The following CENPW variants were observed in gnomAD, a reference collection of about 807,000 sequenced individuals.
CENPW encodes the protein cancer-up-regulated gene 2 protein.
Under a neutral mutation model 11.1 loss-of-function variants are expected in CENPW, and 3 were observed. The observed-to-expected ratio is 0.27, with a 90% confidence interval of 0.12 to 0.70. The LOEUF (loss-of-function observed/expected upper bound fraction) is 0.70. Ranked by LOEUF, CENPW falls within the 30% of genes least tolerant of loss-of-function variation. CENPW has a pLI of 0.77. For missense variants in CENPW, 100 were observed against 105.6 expected, an observed-to-expected ratio of 0.95 and a Z score of 0.23; for synonymous variants, 38 against 42.0, an observed-to-expected ratio of 0.91 and a Z score of 0.37.
the CENPW span, among the ~76,000 whole-genome samples, chr6:126,435,052 T>C: frequency 2.6e-5 from 4 of 152,030 alleles, no homozygotes; most frequent in African/African-American, 7.2e-5. Context: ...ATATTCCTTA[T>C]AATGTTTTTA....
At chr6:126,454,042 A>G in the CENPW span, among the ~76,000 whole-genome samples, 1 of 151,514 alleles carries the variant, frequency 6.6e-6, no homozygotes, top group East Asian at 1.9e-4. Context: ...ATATATATGC[A>G]TGAGCACAGG....
At chr6:126,472,796 C>A in the CENPW span, among the ~76,000 whole-genome samples, 1 of 152,124 alleles carries the variant, frequency 6.6e-6, no homozygotes, top group African/African-American at 2.4e-5. Flanking sequence ...CACATCCTTG[C>A]CAACACTTGG....
the CENPW span, among the ~76,000 whole-genome samples, chr6:126,467,963 A>T: frequency 6.6e-6 from 1 of 152,216 alleles, no homozygotes; most frequent in Admixed American, 6.5e-5. Flanking sequence ...CAATATAATT[A>T]TAAGAAAAAC....
the CENPW span, among the ~76,000 whole-genome samples, chr6:126,417,516 T>C: frequency 6.6e-6 from 1 of 152,092 alleles, no homozygotes; most frequent in Non-Finnish European, 1.5e-5. Flanking sequence ...AATTCCCACA[T>C]GTTGTGGGAT....
At chr6:126,399,107 T>G in the CENPW span, among the ~76,000 whole-genome samples, 1 of 152,104 alleles carries the variant, frequency 6.6e-6, no homozygotes, top group South Asian at 2.1e-4. Flanking sequence ...TAAATAATGC[T>G]GTGTTGAAGA....
chr6:126,456,133 A>C, the CENPW span, among the ~76,000 whole-genome samples: 1 of 151,450 alleles, frequency 6.6e-6, no homozygotes, highest in South Asian at 2.1e-4. Context: ...CATATTTCCC[A>C]AAGCAATCTA....
chr6:126,346,119 A>G, intron 1 of CENPW, 86 bp from the exon 2 acceptor site: 1 of 647,592 alleles, frequency 1.5e-6, no homozygotes. Context: ...AGTACAATAC[A>G]TTTTGAGATA....
At chr6:126,406,970 T>C in the CENPW span, among the ~76,000 whole-genome samples, 1 of 152,166 alleles carries the variant, frequency 6.6e-6, no homozygotes, top group Non-Finnish European at 1.5e-5. Context: ...ATGTGCAGGA[T>C]GTACAGGGTT....
the CENPW span, among the ~76,000 whole-genome samples, chr6:126,366,715 A>G: frequency 6.6e-6 from 1 of 152,192 alleles, no homozygotes; most frequent in African/African-American, 2.4e-5. Context: ...CCATCTAACT[A>G]TTTGAGAGTA....
At chr6:126,478,532 G>C in the CENPW span, among the ~76,000 whole-genome samples, 4 of 152,010 alleles carry the variant, frequency 2.6e-5, no homozygotes, top group South Asian at 8.3e-4. Flanking sequence ...TAAAAAATGT[G>C]CTCTGGACAG....
chr6:126,358,917 CATT>C, the CENPW span, among the ~76,000 whole-genome samples: 4 of 151,824 alleles, frequency 2.6e-5, no homozygotes, highest in African/African-American at 9.7e-5. Flanking sequence ...TGTACAATTT[CATT>C]AAGTTCTTCT....
the CENPW span, among the ~76,000 whole-genome samples, chr6:126,388,111 T>C: frequency 6.6e-6 from 1 of 151,856 alleles, no homozygotes; most frequent in Non-Finnish European, 1.5e-5. Flanking sequence ...AGGAAAGAAA[T>C]GTATAAAGGA....
the CENPW span, among the ~76,000 whole-genome samples, chr6:126,390,876 A>G: frequency 6.6e-6 from 1 of 151,938 alleles, no homozygotes; most frequent in African/African-American, 2.4e-5. Flanking sequence ...TCATCTTTTG[A>G]TGGACACTTA....
At chr6:126,429,094 T>C in the CENPW span, among the ~76,000 whole-genome samples, 5,424 of 152,260 alleles carry the variant, frequency 0.036, 318 homozygotes, top group African/African-American at 0.12. Flanking sequence ...GACATTTAAA[T>C]TTTCCCAAGT....
At chr6:126,357,018 G>A in the CENPW span, among the ~76,000 whole-genome samples, 1 of 152,100 alleles carries the variant, frequency 6.6e-6, no homozygotes, top group African/African-American at 2.4e-5. Context: ...TCTTTGCCAA[G>A]GCCAATGTTG....
At chr6:126,399,800 C>T in the CENPW span, among the ~76,000 whole-genome samples, 1 of 152,010 alleles carries the variant, frequency 6.6e-6, no homozygotes, top group Non-Finnish European at 1.5e-5. Context: ...ATATTTCAGT[C>T]ATCTCTAAAG....
the CENPW span, among the ~76,000 whole-genome samples, chr6:126,386,390 C>T: frequency 6.6e-6 from 1 of 152,064 alleles, no homozygotes; most frequent in Admixed American, 6.6e-5. Flanking sequence ...TCGCACCAAA[C>T]TAGCAGTGAC....
At chr6:126,397,038 A>G in the CENPW span, among the ~76,000 whole-genome samples, 1 of 151,876 alleles carries the variant, frequency 6.6e-6, no homozygotes, top group Non-Finnish European at 1.5e-5. Context: ...GGGTGGTGCA[A>G]GTACTTCCTT....
chr6:126,369,422 C>A, the CENPW span, among the ~76,000 whole-genome samples: 1 of 152,194 alleles, frequency 6.6e-6, no homozygotes, highest in Non-Finnish European at 1.5e-5. Context: ...CCCCTTTTCA[C>A]AACATCCTTG....
Sources: allele counts gnomAD v4.1 joint callset (sites outside exome capture counted in the v4.1 genomes callset), GRCh38; gene constraint gnomAD v4.1.1; transcripts MANE v1.5; gene names NCBI Gene and HGNC (gene_info 2026-07-23, HGNC 2026-07-21).